HDAC4: variants seen among roughly 807,000 people sequenced by gnomAD.
The protein encoded by HDAC4 is histone deacetylase 4.
In HDAC4, 16 loss-of-function variants were observed where a neutral mutation model predicts 135.1. That is an observed-to-expected ratio of 0.12 (90% confidence interval 0.08 to 0.18). HDAC4 has a LOEUF of 0.18. HDAC4 is among the 10% of genes least tolerant of loss of function. The probability of loss-of-function intolerance (pLI) is 1.00; values close to 1 mark genes in which losing one functional copy is unlikely to be tolerated. For missense variants in HDAC4, 1,143 were observed against 1,511.8 expected (o/e 0.76, Z 4.05); for synonymous variants, 685 against 653.4 (o/e 1.05, Z -0.74).
chr2:239,095,448 T>C (rs1372938040), intron 16 of HDAC4, among the ~76,000 whole-genome samples: 1 of 152,156 alleles, frequency 6.6e-6, no homozygotes, highest in East Asian at 1.9e-4. Context: ...GCCTGGCTCC[T>C]CAGTGAGCTC....
intron 7 of HDAC4, among the ~76,000 whole-genome samples, chr2:239,153,716 C>T (rs1030297760): frequency 6.6e-6 from 1 of 152,248 alleles, no homozygotes; most frequent in African/African-American, 2.4e-5. Context: ...AGAATTCTCT[C>T]TTCCGTTCTC....
intron 2 of HDAC4, among the ~76,000 whole-genome samples, chr2:239,244,229 C>T (rs898116234): frequency 6.6e-6 from 1 of 152,182 alleles, no homozygotes; most frequent in African/African-American, 2.4e-5. Context: ...ACTTGGTTCT[C>T]GTGTCTGGGG....
intron 3 of HDAC4, among the ~76,000 whole-genome samples, chr2:239,193,294 C>T (rs575155831): frequency 3.3e-5 from 5 of 152,368 alleles, no homozygotes; most frequent in South Asian, 4.1e-4. Flanking sequence ...GCATTGTAAA[C>T]GTCTGGTGTT....
intron 3 of HDAC4, among the ~76,000 whole-genome samples, chr2:239,216,749 C>T (rs2046662397): frequency 6.6e-6 from 1 of 152,124 alleles, no homozygotes; most frequent in Non-Finnish European, 1.5e-5. Flanking sequence ...ACAGGACTGA[C>T]CGGGAAGGGT....
At position 239,225,576 on chromosome 2, in the gene HDAC4, G is replaced by C. The variant is rs2047191642; in HGVS notation, c.94+11017C>G. Among the ~76,000 whole-genome samples the C allele has an allele frequency of 1.3e-5, 2 of 152,244 alleles. 1 individual carries two copies. The highest frequency in any genetic ancestry group is 4.1e-4 in the South Asian group (2 of 4,838). On this transcript the variant is annotated intron_variant, in intron 3 of 26. Coordinates refer to ENST00000543185, the MANE Select transcript of HDAC4 (RefSeq NM_001378414.1). ...GGAGCCTGGCTGGGCTCAAGAGCAGGAGAGGGAAGCCAGGAAGGCGGGGAA... is the reference window on the plus strand; with the variant it reads ...GGAGCCTGGCTGGGCTCAAGAGCAGCAGAGGGAAGCCAGGAAGGCGGGGAA...
chr2:239,337,960 G>C (rs1692055065), intron 2 of HDAC4, among the ~76,000 whole-genome samples: 1 of 152,170 alleles, frequency 6.6e-6, no homozygotes, highest in Non-Finnish European at 1.5e-5. Flanking sequence ...AGGGGAGAAA[G>C]AGGTGGATCT....
chr2:239,389,806 G>C (rs1330008289), intron 1 of HDAC4, among the ~76,000 whole-genome samples: 1 of 152,196 alleles, frequency 6.6e-6, no homozygotes, highest in African/African-American at 2.4e-5. Context: ...ATACCAGGGA[G>C]GCCAGTTCCC....
chr2:239,275,549 G>A (rs1347757860), intron 2 of HDAC4, among the ~76,000 whole-genome samples: 2 of 152,204 alleles, frequency 1.3e-5, no homozygotes, highest in East Asian at 3.9e-4. Flanking sequence ...CCCACCAACA[G>A]GCAGCAATGC....
At chr2:239,111,448 G>T in intron 14 of HDAC4, 78 bp downstream of exon 14, 2 of 1,412,194 alleles carry the variant, frequency 1.4e-6, no homozygotes, top group Non-Finnish European at 2.0e-6. Context: ...CTGCAGAGCT[G>T]GGCCGGGAAG....
intron 9 of HDAC4, among the ~76,000 whole-genome samples, chr2:239,136,853 G>T (rs1277363781): frequency 6.6e-6 from 1 of 152,166 alleles, no homozygotes; most frequent in Non-Finnish European, 1.5e-5. Context: ...TCTCACTTAG[G>T]AGCAAACTCA....
At chr2:239,287,804 C>T (rs899794769) in intron 2 of HDAC4, among the ~76,000 whole-genome samples, 2 of 152,176 alleles carry the variant, frequency 1.3e-5, no homozygotes, top group African/African-American at 2.4e-5. Flanking sequence ...AGAGACAAAT[C>T]CAGCAAAGAT....
At chr2:239,336,992 C>T (rs62182110) in intron 2 of HDAC4, among the ~76,000 whole-genome samples, 15,538 of 152,160 alleles carry the variant, frequency 0.1, 884 homozygotes, top group Non-Finnish European at 0.12. Flanking sequence ...TCGAGTGGGC[C>T]TGGCAAGAGT....
rs986276954 is a variant in HDAC4, at chr2:239,262,646, C to G, written c.23-25982G>C. Among the ~76,000 whole-genome samples, 3 of 152,162 alleles carry G rather than the reference C, an allele frequency of 2.0e-5. No individual in the cohort carries two copies. Among genetic ancestry groups the G allele is most frequent in the African/African-American group, 7.2e-5 (3 of 41,448 alleles). On this transcript the variant is annotated intron_variant, in intron 2 of 26. Coordinates refer to ENST00000543185, the MANE Select transcript of HDAC4 (RefSeq NM_001378414.1). This position sits in a 1 kb window ranked among gnomAD's most constrained non-coding sequence, Gnocchi z 4.1. ...TTTCTGGGCAAGAGTGTGGGACCAACGAGACCTGGGCTAGTGCAGGGGTGG... is the reference window on the plus strand; with the variant it reads ...TTTCTGGGCAAGAGTGTGGGACCAAGGAGACCTGGGCTAGTGCAGGGGTGG...
At chr2:239,163,514 G>A (rs1021777046) in intron 6 of HDAC4, among the ~76,000 whole-genome samples, 1 of 151,850 alleles carries the variant, frequency 6.6e-6, no homozygotes, top group African/African-American at 2.4e-5. Context: ...CCCAGACCAC[G>A]TCACTATGGA....
intron 6 of HDAC4, among the ~76,000 whole-genome samples, chr2:239,160,716 TG>T (rs1192878346): frequency 6.6e-6 from 1 of 152,276 alleles, no homozygotes; most frequent in Non-Finnish European, 1.5e-5. Flanking sequence ...GGCCCCAGTT[TG>T]CGCGGCCGTT....
chr2:239,054,831 A>G lies in HDAC4; in HGVS notation c.3006T>C (p.Leu1002=). 7 of 1,605,550 alleles carry G rather than the reference A, an allele frequency of 4.4e-6. No individual in the cohort carries two copies. The highest frequency in any genetic ancestry group is 6.0e-6 in the Non-Finnish European group (7 of 1,172,196). ...GTAAAACCTTTTCTGGGAGAGGATCAAGCTGGAAGAAAATGCATAAGAATA... is the reference window on the plus strand; with the variant it reads ...GTAAAACCTTTTCTGGGAGAGGATCGAGCTGGAAGAAAATGCATAAGAATA... ...ACVSALLGNE[L]DPLPEKVLQQ... The change falls in exon 25 of 27, where the codon CTT becomes CTC. Residue 1002 remains leucine, a splice_region_variant and synonymous_variant. Transcript: ENST00000543185.
intron 22 of HDAC4, among the ~76,000 whole-genome samples, chr2:239,080,298 G>A (rs2035183305): frequency 6.6e-6 from 1 of 152,212 alleles, no homozygotes; most frequent in African/African-American, 2.4e-5. Context: ...AAGACTGTAT[G>A]GGGCTTTGAC....
intron 5 of HDAC4, among the ~76,000 whole-genome samples, chr2:239,170,127 G>T (rs539453551): frequency 3.3e-5 from 5 of 152,278 alleles, no homozygotes; most frequent in Admixed American, 6.5e-5. Flanking sequence ...CAATTACTAA[G>T]AACTTGGAAA....
intron 8 of HDAC4, chr2:239,140,888 C>T (rs753719890): frequency 1.2e-4 from 54 of 452,788 alleles, no homozygotes; most frequent in African/African-American, 9.0e-4. Flanking sequence ...GTGGTATCCA[C>T]GCCTGCTGGA....
Sources: allele counts gnomAD v4.1 joint callset (sites outside exome capture counted in the v4.1 genomes callset), GRCh38; gene constraint gnomAD v4.1.1; non-coding constraint Gnocchi (gnomAD v3.1); transcripts MANE v1.5; gene names NCBI Gene and HGNC (gene_info 2026-07-23, HGNC 2026-07-21).